Variants in SIL1 observed in about 807,000 individuals in gnomAD.
SIL1 encodes the protein nucleotide exchange factor SIL1.
Under a neutral mutation model 49.1 loss-of-function variants are expected in SIL1, and 40 were observed. That is an observed-to-expected ratio of 0.81 (90% CI 0.63 to 1.06). SIL1 has a LOEUF of 1.06. Among genes scored for constraint, SIL1 ranks in the 50% least tolerant of loss-of-function variants. The probability of loss-of-function intolerance (pLI) is 0.00; values close to 1 mark genes in which losing one functional copy is unlikely to be tolerated. For synonymous variants in SIL1, 253 were observed against 250.8 expected (o/e 1.01, Z -0.08); for missense variants, 500 against 572.6 (o/e 0.87, Z 1.29).
intron 1 of SIL1, among the ~76,000 whole-genome samples, chr5:139,142,835 C>T (rs1416328301): frequency 6.6e-6 from 1 of 152,076 alleles, no homozygotes; most frequent in Non-Finnish European, 1.5e-5. Context: ...GTGGCGCGAT[C>T]TCGGTTCACT....
chr5:138,982,038 C>T (rs779860238), intron 7 of SIL1, among the ~76,000 whole-genome samples: 2 of 152,210 alleles, frequency 1.3e-5, no homozygotes, highest in African/African-American at 2.4e-5. Context: ...CATAACAGTA[C>T]TTACTTGGCC....
intron 1 of SIL1, among the ~76,000 whole-genome samples, chr5:139,165,829 T>C (rs1410853158): frequency 1.3e-5 from 2 of 151,518 alleles, no homozygotes; most frequent in Non-Finnish European, 2.9e-5. Flanking sequence ...CGGCTAATTT[T>C]TTTTTATTAT....
chr5:139,142,465 G>C (rs1321604667), intron 1 of SIL1, among the ~76,000 whole-genome samples: 1 of 152,008 alleles, frequency 6.6e-6, no homozygotes, highest in Non-Finnish European at 1.5e-5. Context: ...TTTTATCCCA[G>C]GAATACAAGA....
intron 7 of SIL1, among the ~76,000 whole-genome samples, chr5:138,972,154 G>A (rs1192666708): frequency 1.3e-5 from 2 of 152,156 alleles, no homozygotes; most frequent in African/African-American, 4.8e-5. Context: ...GAATCATGAG[G>A]CTTCAGTTCC....
At chr5:139,129,779 G>C (rs139449895) in intron 1 of SIL1, among the ~76,000 whole-genome samples, 1 of 152,314 alleles carries the variant, frequency 6.6e-6, no homozygotes, top group African/African-American at 2.4e-5. Context: ...ATAAAACTTA[G>C]AAGGAAACAT....
intron 2 of SIL1, among the ~76,000 whole-genome samples, chr5:139,126,520 C>T (rs1019709550): frequency 6.6e-6 from 1 of 152,162 alleles, no homozygotes; most frequent in African/African-American, 2.4e-5. Context: ...CTGGGCCATT[C>T]CACCGCCAAC....
intron 3 of SIL1, among the ~76,000 whole-genome samples, chr5:139,109,501 T>C (rs1470923811): frequency 6.6e-6 from 1 of 152,098 alleles, no homozygotes; most frequent in Non-Finnish European, 1.5e-5. Flanking sequence ...AGACGTCAAA[T>C]AAAACTGCTT....
intron 1 of SIL1, among the ~76,000 whole-genome samples, chr5:139,166,645 C>CT (rs1233020398): frequency 6.6e-6 from 1 of 152,096 alleles, no homozygotes; most frequent in Admixed American, 6.6e-5. Flanking sequence ...CAAGGAGTGA[C>CT]TTTTTTTCTT....
intron 1 of SIL1, among the ~76,000 whole-genome samples, chr5:139,151,898 G>A (rs188084333): frequency 1.3e-5 from 2 of 152,334 alleles, no homozygotes; most frequent in African/African-American, 4.8e-5. Context: ...AAATTCCCTT[G>A]CAGGGAGAAA....
At chr5:139,022,232 G>C (rs1768545883) in intron 6 of SIL1, 3 of 152,242 alleles carry the variant, frequency 2.0e-5, no homozygotes, top group Admixed American at 2.0e-4. Flanking sequence ...AACTCAGGAA[G>C]CTGAAGCCCA....
intron 9 of SIL1, among the ~76,000 whole-genome samples, chr5:138,949,798 CAAAAAAA>C (rs5871689): frequency 0.12 from 9,934 of 83,318 alleles, 1,109 homozygotes; most frequent in African/African-American, 0.34. Flanking sequence ...GACCCTGTCT[CAAAAAAA>C]AAAAAAAAAA....
intron 3 of SIL1, among the ~76,000 whole-genome samples, chr5:139,085,939 A>G (rs1381593710): frequency 2.0e-5 from 3 of 152,122 alleles, no homozygotes; most frequent in Non-Finnish European, 4.4e-5. Flanking sequence ...GAAAGAGCTA[A>G]CAATGGACTC....
intron 2 of SIL1, among the ~76,000 whole-genome samples, chr5:139,125,285 T>C (rs1750730929): frequency 6.6e-6 from 1 of 152,204 alleles, no homozygotes; most frequent in African/African-American, 2.4e-5. Flanking sequence ...CCTATCACCA[T>C]CATTCCAAAT....
intron 7 of SIL1, among the ~76,000 whole-genome samples, chr5:138,953,020 A>C (rs1766818319): frequency 6.6e-6 from 1 of 152,218 alleles, no homozygotes. Flanking sequence ...AGGCACACAA[A>C]AGCCTGAGGC....
rs1168998695 is a variant in SIL1, at chr5:139,026,745, G to A, written c.645+56C>T. 9 of 1,495,406 alleles carry A rather than the reference G, an allele frequency of 6.0e-6. No individual in the cohort carries two copies. The African/African-American group carries it at 6.9e-5, about 11-fold the overall frequency. 92.6% of individuals were successfully genotyped at this position (1,495,406 alleles called of 1,614,324 possible). ...CTATTTTCTTAGGGCTTAGGGAAGG[G>A]GGATTTATTTTTGGAGCTGTTAAAA... On this transcript the variant is annotated intron_variant, in intron 6 of 9. Transcript: ENST00000394817.
chr5:138,996,847 T>C (rs541942787), intron 7 of SIL1, among the ~76,000 whole-genome samples: 34 of 152,160 alleles, frequency 2.2e-4, no homozygotes, highest in African/African-American at 7.9e-4. Context: ...ATGTAATCTC[T>C]TTTGTCTATT....
chr5:139,110,516 C>T (rs1410104650), intron 3 of SIL1, among the ~76,000 whole-genome samples: 1 of 152,150 alleles, frequency 6.6e-6, no homozygotes, highest in Non-Finnish European at 1.5e-5. Context: ...CTTTGTTTGC[C>T]CAAATCCACA....
At chr5:139,176,009 T>C (rs1234293952) in intron 1 of SIL1, among the ~76,000 whole-genome samples, 1 of 152,144 alleles carries the variant, frequency 6.6e-6, no homozygotes, top group Non-Finnish European at 1.5e-5. Context: ...TATGACCTTT[T>C]TTGTGAGACA....
At chr5:139,107,813 TAA>T (rs1420308161) in intron 3 of SIL1, among the ~76,000 whole-genome samples, 1 of 152,226 alleles carries the variant, frequency 6.6e-6, no homozygotes, top group African/African-American at 2.4e-5. Context: ...GGCATCACAG[TAA>T]ACATTTCATG....
Sources: gnomAD v4.1 joint callset for allele counts (sites outside exome capture counted in the v4.1 genomes callset) on GRCh38, gnomAD v4.1.1 for gene constraint, MANE v1.5 for transcripts, NCBI Gene and HGNC (gene_info 2026-07-23, HGNC 2026-07-21) for gene names.